GPATCH2L: variants seen among roughly 807,000 people sequenced by gnomAD.
The protein encoded by GPATCH2L is G-patch domain containing 2 like, also known as G patch domain-containing protein 2-like.
In GPATCH2L, 31 loss-of-function variants were observed where a neutral mutation model predicts 57.4. The ratio of observed to expected loss-of-function variants is 0.54; its 90% confidence interval spans 0.41 to 0.73. The LOEUF (loss-of-function observed/expected upper bound fraction) is 0.73. Among genes scored for constraint, GPATCH2L ranks in the 30% least tolerant of loss-of-function variants. GPATCH2L has a pLI of 0.00. For missense variants in GPATCH2L, 481 were observed against 599.9 expected (o/e 0.80, Z 2.07); for synonymous variants, 199 against 210.7 (o/e 0.94, Z 0.48).
intron 2 of GPATCH2L, among the ~76,000 whole-genome samples, chr14:76,163,582 A>G (rs984528249): frequency 2.0e-5 from 3 of 152,210 alleles, no homozygotes; most frequent in Admixed American, 2.0e-4. Context: ...GTTGTCAGTG[A>G]GGAAATTAGT....
Position 76,203,407 on chromosome 14 carries a change from G to C in GPATCH2L, c.*1556G>C, listed in dbSNP as rs2040340438. On this transcript the variant is annotated 3_prime_UTR_variant, in exon 10 of 10. Coordinates refer to ENST00000261530, the MANE Select transcript of GPATCH2L (RefSeq NM_017926.4). ...TGAAACCAGCCCAGCAGACCTGTGA[G>C]TCGCCTCTGGTTCTCACGCAGCAGT... 1 of 152,482 alleles carries C rather than the reference G, an allele frequency of 6.6e-6. No individual in the cohort carries two copies. The highest frequency in any genetic ancestry group is 1.5e-5 in the Non-Finnish European group (1 of 68,120). The allele number at this position is 152,482 out of a possible 1,614,324, so 9.4% of individuals were successfully genotyped here.
Position 76,207,050 on chromosome 14 carries a change from C to CA in GPATCH2L, c.*5200dup, listed in dbSNP as rs1405416999. ...TGGATAAAGCCTGGGTGTGGTGACT[C>CA]ACGCCCATAATCCCAACACTTTGGG... On this transcript the variant is annotated 3_prime_UTR_variant, in exon 10 of 10. Coordinates refer to ENST00000261530, the MANE Select transcript of GPATCH2L (RefSeq NM_017926.4). The CA allele has an allele frequency of 2.6e-5, 4 of 152,344 alleles. No homozygotes were observed. In the East Asian group the frequency reaches 7.7e-4, roughly 29 times the overall value. 9.4% of individuals were successfully genotyped at this position (152,344 alleles called of 1,614,324 possible). A position where few individuals can be genotyped will look rare whatever the true frequency, so the allele number is the denominator to read the frequency against.
intron 1 of GPATCH2L, chr14:76,153,799 A>T (rs1212647367): frequency 6.6e-6 from 1 of 152,164 alleles, no homozygotes; most frequent in African/African-American, 2.4e-5. Flanking sequence ...GGTGTCACTA[A>T]GTTGTCTTTC....
chr14:76,201,101 T>C (rs1269826979), intron 9 of GPATCH2L, among the ~76,000 whole-genome samples: 3 of 152,218 alleles, frequency 2.0e-5, no homozygotes, highest in Non-Finnish European at 2.9e-5. Flanking sequence ...TGAAAAATAT[T>C]GGGCCTGATT....
At position 76,178,183 on chromosome 14, in the gene GPATCH2L, C is replaced by T; in HGVS notation, c.1107+141C>T. The T allele has an allele frequency of 2.9e-6, 4 of 1,371,844 alleles. No individual in the cohort carries two copies. In the Middle Eastern group the frequency reaches 5.3e-4, roughly 182 times the overall value. The allele number at this position is 1,371,844 out of a possible 1,614,324, so 85.0% of individuals were successfully genotyped here. A position where few individuals can be genotyped will look rare whatever the true frequency, so the allele number is the denominator to read the frequency against. On this transcript the variant is annotated intron_variant, in intron 7 of 9. Coordinates refer to ENST00000261530, the MANE Select transcript of GPATCH2L (RefSeq NM_017926.4). The stretch of plus-strand genomic sequence containing the variant: ...CATTAGTTTCTTGTAGCATATATTT[C>T]ATAGGAATCCTGTTTTTATTTTAGT...
intron 8 of GPATCH2L, among the ~76,000 whole-genome samples, chr14:76,182,363 G>GA (rs3059799): frequency 0.16 from 13,643 of 85,650 alleles, 1,417 homozygotes; most frequent in African/African-American, 0.25. Flanking sequence ...TCTCAGAAAA[G>GA]AAAAAAAAAA....
chr14:76,166,804 G>C, intron 3 of GPATCH2L, 77 bp downstream of exon 3: 1 of 998,376 alleles, frequency 1.0e-6, no homozygotes, highest in Non-Finnish European at 1.6e-6. Context: ...GTGACTCATG[G>C]AGAATATGGT....
intron 8 of GPATCH2L, among the ~76,000 whole-genome samples, chr14:76,182,492 G>A (rs1186246737): frequency 1.6e-4 from 24 of 148,140 alleles, no homozygotes; most frequent in Admixed American, 9.4e-4. Context: ...AGGCTGAGGT[G>A]GGAGGATCAC....
chr14:76,228,165 T>G (rs1041271307), intron 1 of GPATCH2L, among the ~76,000 whole-genome samples: 1 of 152,216 alleles, frequency 6.6e-6, no homozygotes, highest in Non-Finnish European at 1.5e-5. Context: ...TGGATATTAT[T>G]GTTTCGCATC....
At chr14:76,168,169 C>T (rs1265916469) in intron 3 of GPATCH2L, among the ~76,000 whole-genome samples, 1 of 152,236 alleles carries the variant, frequency 6.6e-6, no homozygotes, top group Non-Finnish European at 1.5e-5. Flanking sequence ...TTATGCTGGT[C>T]TTTCTGCCTG....
rs2040466505 is a variant in GPATCH2L, at chr14:76,213,729, G to T, written c.*11878G>T. The T allele has an allele frequency of 6.6e-6, 1 of 152,124 alleles. No individual in the cohort carries two copies. The highest frequency in any genetic ancestry group is 2.1e-4 in the South Asian group (1 of 4,822). The allele number at this position is 152,124 out of a possible 1,614,324, so 9.4% of individuals were successfully genotyped here. Reference sequence around the variant, plus strand: ...TAATTTTAGACTTAACAGAAAATCTGCAAAAATAGATTTCCTGTGTGCCCT... The same window carrying T: ...TAATTTTAGACTTAACAGAAAATCTTCAAAAATAGATTTCCTGTGTGCCCT... On this transcript the variant is annotated 3_prime_UTR_variant, in exon 10 of 10. Transcript: ENST00000261530.
chr14:76,152,644 A>G (rs553384020), intron 1 of GPATCH2L: 1 of 455,960 alleles, frequency 2.2e-6, no homozygotes, highest in Non-Finnish European at 4.4e-6. Context: ...GGGGAGTTCT[A>G]GGGTTCTTTT....
Position 76,178,030 on chromosome 14 carries a change from T to C in GPATCH2L, c.1095T>C (p.Ala365=). ...ALASDFPHIS[A]CAHEFNPLSP... is the part of the protein sequence containing the mutation. ...CTTCTGATTTTCCTCACATTTCTGCTTGTGCACATGAGGTAAGGTTTCCTC... is the reference window on the plus strand; with the variant it reads ...CTTCTGATTTTCCTCACATTTCTGCCTGTGCACATGAGGTAAGGTTTCCTC... The change falls in exon 7 of 10, where the codon GCT becomes GCC. Residue 365 remains alanine, a synonymous_variant. Coordinates refer to ENST00000261530, the MANE Select transcript of GPATCH2L (RefSeq NM_017926.4). 3 of 1,605,130 alleles carry C rather than the reference T, an allele frequency of 1.9e-6. No homozygotes were observed. In the Admixed American group the frequency reaches 5.0e-5, roughly 27 times the overall value.
At chr14:76,222,968 AAAAG>A (rs1249868651) in intron 1 of GPATCH2L, among the ~76,000 whole-genome samples, 7 of 150,460 alleles carry the variant, frequency 4.7e-5, no homozygotes, top group Admixed American at 1.3e-4. Flanking sequence ...AAAAAAAAAA[AAAAG>A]AAAGAAAAAA....
In GPATCH2L at chr14:76,203,801, C is replaced by T. The variant is rs1455607769; in HGVS notation, c.*1950C>T. 4 of 152,052 alleles carry T rather than the reference C, an allele frequency of 2.6e-5. No homozygotes were observed. The highest frequency in any genetic ancestry group is 1.3e-4 in the Admixed American group (2 of 15,264). 9.4% of individuals were successfully genotyped at this position (152,052 alleles called of 1,614,324 possible). A position where few individuals can be genotyped will look rare whatever the true frequency, so the allele number is the denominator to read the frequency against. On this transcript the variant is annotated 3_prime_UTR_variant, in exon 10 of 10. Transcript: ENST00000261530. ...CATGTGCATTGTCACCATAGTGACC[C>T]GTGGCATATATTTTTAACATACTTG...
rs1416883588 is a variant in GPATCH2L at position 76,203,686 on chromosome 14, T to G, written c.*1835T>G. On this transcript the variant is annotated 3_prime_UTR_variant, in exon 10 of 10. Transcript: ENST00000261530. Reference sequence around the variant, plus strand: ...GGCTGCACTTCCCTTCCCTGTGGGCTGCACCCGTAGAAGTATAGAAAATGT... The same window carrying G: ...GGCTGCACTTCCCTTCCCTGTGGGCGGCACCCGTAGAAGTATAGAAAATGT... 1.3e-5 allele frequency: 2 copies of G among 152,304 alleles called. No individual in the cohort carries two copies. Among genetic ancestry groups the G allele is most frequent in the East Asian group, 3.8e-4 (2 of 5,198 alleles). 9.4% of individuals were successfully genotyped at this position (152,304 alleles called of 1,614,324 possible).
intron 6 of GPATCH2L, among the ~76,000 whole-genome samples, chr14:76,177,415 A>G (rs1038604964): frequency 6.6e-6 from 1 of 151,844 alleles, no homozygotes; most frequent in African/African-American, 2.4e-5. Flanking sequence ...CTACAGGAAA[A>G]TAATTCTGCC....
chr14:76,159,778 G>A (rs2038487730), intron 2 of GPATCH2L, among the ~76,000 whole-genome samples: 1 of 152,068 alleles, frequency 6.6e-6, no homozygotes, highest in South Asian at 2.1e-4. Flanking sequence ...AATACACACA[G>A]AAAACACTAA....
At chr14:76,161,049 A>C (rs2038559045) in intron 2 of GPATCH2L, among the ~76,000 whole-genome samples, 2 of 152,220 alleles carry the variant, frequency 1.3e-5, no homozygotes, top group Admixed American at 1.3e-4. Flanking sequence ...TATAGGAATA[A>C]TTTCAGAACT....
Sources: allele counts gnomAD v4.1 joint callset (sites outside exome capture counted in the v4.1 genomes callset), GRCh38; gene constraint gnomAD v4.1.1; transcripts MANE v1.5; gene names NCBI Gene and HGNC (gene_info 2026-07-23, HGNC 2026-07-21).